The following FILIP1 variants were observed in gnomAD, a reference collection of about 807,000 sequenced individuals.
The protein encoded by FILIP1 is filamin-A-interacting protein 1.
Under a neutral mutation model 102.1 loss-of-function variants are expected in FILIP1, and 61 were observed. The ratio of observed to expected loss-of-function variants is 0.60; its 90% CI spans 0.49 to 0.74. The LOEUF (loss-of-function observed/expected upper bound fraction) is 0.74. FILIP1 is among the 30% of genes least tolerant of loss of function. The probability of loss-of-function intolerance (pLI) is 0.00; values close to 1 mark genes in which losing one functional copy is unlikely to be tolerated. For missense variants in FILIP1, 1,314 were observed against 1,441.2 expected (o/e 0.91, Z 1.43); for synonymous variants, 491 against 526.9 (o/e 0.93, Z 0.93).
At chr6:75,430,121 C>T (rs1041351240) in intron 1 of FILIP1, among the ~76,000 whole-genome samples, 1 of 152,126 alleles carries the variant, frequency 6.6e-6, no homozygotes, top group African/African-American at 2.4e-5. Flanking sequence ...TGAGTGAGTT[C>T]TCACAAGATC....
intron 6 of FILIP1, among the ~76,000 whole-genome samples, chr6:75,300,236 T>C (rs1442331716): frequency 1.3e-5 from 2 of 152,184 alleles, no homozygotes; most frequent in Admixed American, 1.3e-4. Context: ...TAACAAGACG[T>C]TACATCAGCA....
intron 1 of FILIP1, among the ~76,000 whole-genome samples, chr6:75,427,756 T>C (rs1490039821): frequency 6.6e-6 from 1 of 152,206 alleles, no homozygotes; most frequent in Non-Finnish European, 1.5e-5. Context: ...GAGGCCTCTC[T>C]ATCCCTCACT....
intron 2 of FILIP1, among the ~76,000 whole-genome samples, chr6:75,375,965 T>C (rs532452736): frequency 1.3e-5 from 2 of 152,332 alleles, no homozygotes; most frequent in African/African-American, 2.4e-5. Context: ...TCAGAGTTAG[T>C]ATGCTAAATA....
intron 6 of FILIP1, among the ~76,000 whole-genome samples, chr6:75,299,985 G>A (rs1216176169): frequency 1.3e-5 from 2 of 152,122 alleles, no homozygotes; most frequent in African/African-American, 4.8e-5. Flanking sequence ...CAACAAATTA[G>A]AATTCTGTTT....
intron 1 of FILIP1, 29 bp from the exon 2 acceptor site, chr6:75,415,007 A>T: frequency 6.3e-7 from 1 of 1,588,224 alleles, no homozygotes; most frequent in Non-Finnish European, 8.6e-7. Context: ...AAAAGATAAG[A>T]TGTTCTTTAC....
At position 75,480,453 on chromosome 6, in the gene FILIP1, C is replaced by CTAGA. The variant is rs1779620556; in HGVS notation, c.-7+12957_-7+12960dup. Among the ~76,000 whole-genome samples, 13 of 151,824 alleles carry CTAGA rather than the reference C, an allele frequency of 8.6e-5. No individual in the cohort carries two copies. In the South Asian group the frequency reaches 2.7e-3, roughly 32 times the overall value. ...ACAGAGTTGCACTCTATTGCCCAGGCTAGACATGAACTCCTGGGCTCAATC... is the reference window on the plus strand; with the variant it reads ...ACAGAGTTGCACTCTATTGCCCAGGCTAGATAGACATGAACTCCTGGGCTCAATC... On this transcript the variant is annotated intron_variant, in intron 1 of 5. Transcript: ENST00000237172.
chr6:75,474,677 C>A (rs1053165466), intron 1 of FILIP1, among the ~76,000 whole-genome samples: 4 of 152,076 alleles, frequency 2.6e-5, no homozygotes, highest in Admixed American at 1.3e-4. Flanking sequence ...AACTATTATA[C>A]TCATTAGGTA....
In FILIP1 at chr6:75,312,965, G is replaced by A. The variant is rs1364348569; in HGVS notation, c.2867C>T (p.Pro956Leu). ...GNQKPRITII[P>L]SPNVMPQKQK... ...TTTTTGAGGCATAACGTTTGGTGAT[G>A]GAATAATGGTTATTCTTGGTTTCTG... The change falls in exon 5 of 6, where the codon CCA (proline) becomes CTA (leucine). Residue 956 changes from proline to leucine, a missense_variant. This residue lies in a region of FILIP1 where 816 missense variants were observed against 913.1 expected (regional missense o/e 0.89). Coordinates refer to ENST00000237172, the MANE Select transcript of FILIP1 (RefSeq NM_015687.5). 2 of 1,614,012 alleles carry A rather than the reference G, an allele frequency of 1.2e-6. No homozygotes were observed. The highest frequency in any genetic ancestry group is 1.7e-6 in the Non-Finnish European group (2 of 1,180,034).
chr6:75,371,178 T>C (rs1414753246), intron 2 of FILIP1, among the ~76,000 whole-genome samples: 1 of 152,176 alleles, frequency 6.6e-6, no homozygotes, highest in East Asian at 1.9e-4. Context: ...AGAAGAACAT[T>C]CAGACATAGT....
intron 4 of FILIP1, among the ~76,000 whole-genome samples, chr6:75,323,853 A>C (rs1048303833): frequency 7.2e-6 from 1 of 138,362 alleles, no homozygotes. Context: ...ACGCTGTTAT[A>C]ATAGTGAGGG....
At chr6:75,471,640 T>C (rs1018214375) in intron 1 of FILIP1, among the ~76,000 whole-genome samples, 2 of 152,152 alleles carry the variant, frequency 1.3e-5, no homozygotes, top group Admixed American at 1.3e-4. Context: ...CATCATAATA[T>C]TATTTGTAAC....
chr6:75,474,108 T>A (rs1171186971), intron 1 of FILIP1, among the ~76,000 whole-genome samples: 1 of 152,188 alleles, frequency 6.6e-6, no homozygotes, highest in African/African-American at 2.4e-5. Flanking sequence ...CATTTATATC[T>A]CCAAATGGAA....
intron 1 of FILIP1, among the ~76,000 whole-genome samples, chr6:75,451,026 G>A (rs1778614397): frequency 1.3e-5 from 2 of 151,984 alleles, no homozygotes; most frequent in Admixed American, 1.3e-4. Flanking sequence ...AAATGCTAGT[G>A]GACTTCTCAT....
At chr6:75,479,272 C>T (rs1381488639) in intron 1 of FILIP1, among the ~76,000 whole-genome samples, 2 of 152,046 alleles carry the variant, frequency 1.3e-5, no homozygotes, top group African/African-American at 4.8e-5. Flanking sequence ...TTTTTTATTT[C>T]TCAAAATGGA....
chr6:75,432,777 A>G (rs570178918), intron 1 of FILIP1, among the ~76,000 whole-genome samples: 7 of 152,202 alleles, frequency 4.6e-5, no homozygotes, highest in African/African-American at 1.7e-4. Flanking sequence ...GGTGTGCAGC[A>G]TCCATTAACT....
At chr6:75,365,129 T>C (rs1775286787) in intron 2 of FILIP1, among the ~76,000 whole-genome samples, 1 of 152,154 alleles carries the variant, frequency 6.6e-6, no homozygotes, top group African/African-American at 2.4e-5. Flanking sequence ...TTTTCTAAGG[T>C]TCATTTTTCT....
intron 1 of FILIP1, among the ~76,000 whole-genome samples, chr6:75,419,552 G>A (rs185445890): frequency 1.3e-3 from 195 of 152,218 alleles, no homozygotes; most frequent in Non-Finnish European, 1.8e-3. Flanking sequence ...CAAAAAAGCC[G>A]AGATTTTACA....
chr6:75,463,868 T>C (rs988628110), intron 1 of FILIP1, among the ~76,000 whole-genome samples: 3 of 152,204 alleles, frequency 2.0e-5, no homozygotes, highest in African/African-American at 2.4e-5. Context: ...AAGGTTCTAG[T>C]TGAATTGTTC....
Position 75,313,903 on chromosome 6 carries a change from G to A in FILIP1, c.1929C>T (p.Leu643=). 6.2e-7 allele frequency: 1 copy of A among 1,613,804 alleles called. No homozygotes were observed. The highest frequency in any genetic ancestry group is 2.2e-5 in the East Asian group (1 of 44,870). ...TLEIERLKKR[L]QQLEVVEGDL... The stretch of plus-strand genomic sequence containing the variant: ...CCCCTTCGACCACTTCCAATTGTTG[G>A]AGACGTTTCTTCAGTCTCTCAATTT... The change falls in exon 5 of 6, where the codon CTC becomes CTT. Residue 643 remains leucine, a synonymous_variant. Transcript: ENST00000237172. The surrounding 1 kb of genome is among the most constrained non-coding windows in gnomAD (Gnocchi z 4.2).
Sources: gnomAD v4.1 joint callset for allele counts (sites outside exome capture counted in the v4.1 genomes callset) on GRCh38, gnomAD v4.1.1 for gene constraint, gnomAD v4.1.1 regional missense constraint, Gnocchi (gnomAD v3.1) non-coding constraint, MANE v1.5 for transcripts, NCBI Gene and HGNC (gene_info 2026-07-23, HGNC 2026-07-21) for gene names.